The following ALCAM variants were observed in gnomAD, a reference collection of about 807,000 sequenced individuals.
ALCAM encodes activated leukocyte cell adhesion molecule, also known as CD166 antigen.
ALCAM carries 30 observed loss-of-function variants against 70.9 expected under a neutral mutation model. That is an observed-to-expected ratio of 0.42 (90% CI 0.32 to 0.57). ALCAM has a LOEUF of 0.57. ALCAM is among the 20% of genes least tolerant of loss of function. The pLI, the probability that ALCAM is intolerant of heterozygous loss-of-function variation, is 0.11. For synonymous variants in ALCAM, 249 were observed against 242.5 expected (o/e 1.03, Z -0.25); for missense variants, 591 against 695.1 (o/e 0.85, Z 1.68).
At chr3:105,550,381 C>A in intron 12 of ALCAM, 122 bp downstream of exon 12, 2 of 981,828 alleles carry the variant, frequency 2.0e-6, no homozygotes, top group Non-Finnish European at 2.9e-6. Context: ...ATTTATTTTG[C>A]ATTTGGTATC....
intron 1 of ALCAM, among the ~76,000 whole-genome samples, chr3:105,439,991 A>G (rs1937136217): frequency 6.6e-6 from 1 of 152,212 alleles, no homozygotes. Context: ...AAGGTTAGTA[A>G]ATGTTATAAA....
intron 1 of ALCAM, among the ~76,000 whole-genome samples, chr3:105,371,517 C>CT (rs35522913): frequency 0.55 from 78,135 of 142,408 alleles, 20,604 homozygotes; most frequent in East Asian, 0.81. Context: ...AAAGATGTTT[C>CT]TTTTTTTTTT....
intron 1 of ALCAM, among the ~76,000 whole-genome samples, chr3:105,398,857 A>G (rs1290009261): frequency 6.6e-6 from 1 of 151,926 alleles, no homozygotes; most frequent in Non-Finnish European, 1.5e-5. Context: ...GCCAAGAGCA[A>G]GAAAAAAAAA....
At chr3:105,417,102 T>C (rs1936524976) in intron 1 of ALCAM, among the ~76,000 whole-genome samples, 1 of 151,862 alleles carries the variant, frequency 6.6e-6, no homozygotes, top group Non-Finnish European at 1.5e-5. Context: ...TTTTCTGAAC[T>C]TTCCTTATTT....
At chr3:105,499,523 C>A (rs1376567311) in intron 1 of ALCAM, among the ~76,000 whole-genome samples, 1 of 152,118 alleles carries the variant, frequency 6.6e-6, no homozygotes, top group East Asian at 1.9e-4. Flanking sequence ...ACAGAAGAGT[C>A]CTTTAATCTT....
chr3:105,417,256 T>G (rs1490087816), intron 1 of ALCAM, among the ~76,000 whole-genome samples: 1 of 151,868 alleles, frequency 6.6e-6, no homozygotes. Flanking sequence ...TATCTTTCCA[T>G]TTCACCCCAC....
intron 15 of ALCAM, among the ~76,000 whole-genome samples, chr3:105,573,085 G>A (rs1940890648): frequency 6.6e-6 from 1 of 152,170 alleles, no homozygotes; most frequent in Non-Finnish European, 1.5e-5. Context: ...AGCACTTTGG[G>A]AGGCTGAGGC....
chr3:105,461,764 C>T (rs1937608145), intron 1 of ALCAM, among the ~76,000 whole-genome samples: 2 of 151,682 alleles, frequency 1.3e-5, no homozygotes, highest in Admixed American at 1.3e-4. Context: ...TCTACCACCT[C>T]CTATTTGATC....
chr3:105,490,179 C>A lies in ALCAM; in HGVS notation c.74-29888C>A, dbSNP rs542034913. On this transcript the variant is annotated intron_variant, in intron 1 of 15. Coordinates refer to ENST00000306107, the MANE Select transcript of ALCAM (RefSeq NM_001627.4). ...AGAGTTTCTAGGTTGCAAGTGTCTT[C>A]CTTATTGAGGCATTGCAGACAAGTT... Among the ~76,000 whole-genome samples, 38 of 152,314 alleles carry A rather than the reference C, an allele frequency of 2.5e-4. 1 individual carries two copies. The South Asian group carries it at 3.7e-3, about 15-fold the overall frequency.
intron 1 of ALCAM, among the ~76,000 whole-genome samples, chr3:105,467,714 A>C (rs1181472404): frequency 1.3e-5 from 2 of 151,138 alleles, no homozygotes; most frequent in Non-Finnish European, 3.0e-5. Flanking sequence ...GTTCTTACTG[A>C]CTTTAATTTC....
intron 1 of ALCAM, among the ~76,000 whole-genome samples, chr3:105,419,873 A>G (rs1485624944): frequency 6.6e-6 from 1 of 151,828 alleles, no homozygotes; most frequent in East Asian, 1.9e-4. Flanking sequence ...AAGAAGGTCA[A>G]ATAATAAACA....
chr3:105,370,655 T>A (rs1469642195), intron 1 of ALCAM, among the ~76,000 whole-genome samples: 1 of 152,070 alleles, frequency 6.6e-6, no homozygotes, highest in Non-Finnish European at 1.5e-5. Context: ...GACCCCAATT[T>A]CTAATTTCCT....
At chr3:105,374,933 G>C (rs997364968) in intron 1 of ALCAM, among the ~76,000 whole-genome samples, 1 of 152,190 alleles carries the variant, frequency 6.6e-6, no homozygotes, top group Non-Finnish European at 1.5e-5. Flanking sequence ...TGGTTTATGA[G>C]TTTGGTTAGT....
chr3:105,388,312 T>A (rs187907571), intron 1 of ALCAM, among the ~76,000 whole-genome samples: 1 of 151,712 alleles, frequency 6.6e-6, no homozygotes, highest in African/African-American at 2.4e-5. Flanking sequence ...ATGAGAACAC[T>A]GATCCATGAT....
chr3:105,524,641 C>G, intron 3 of ALCAM, 133 bp downstream of exon 3: 1 of 1,424,604 alleles, frequency 7.0e-7, no homozygotes. Context: ...TTAAAGAGAT[C>G]TTCATTCTGC....
At chr3:105,557,806 C>T (rs574553077) in intron 14 of ALCAM, among the ~76,000 whole-genome samples, 1 of 152,130 alleles carries the variant, frequency 6.6e-6, no homozygotes, top group Non-Finnish European at 1.5e-5. Flanking sequence ...TGAGGACACA[C>T]GCATTCCCTA....
intron 1 of ALCAM, among the ~76,000 whole-genome samples, chr3:105,511,619 G>T (rs1344906733): frequency 1.3e-5 from 2 of 152,002 alleles, no homozygotes; most frequent in Non-Finnish European, 2.9e-5. Context: ...CAGCCAGCAA[G>T]CTGCACCAAA....
intron 12 of ALCAM, 103 bp from the exon 13 acceptor site, chr3:105,552,019 TACTGTTAGCTATAGAATAGACA>T: frequency 5.2e-6 from 3 of 573,398 alleles, no homozygotes; most frequent in Non-Finnish European, 5.8e-6. Flanking sequence ...TTTTTTTTTT[TACTGTTAGCTATAGAATAGACA>T]TTTTATCTTT....
intron 1 of ALCAM, among the ~76,000 whole-genome samples, chr3:105,441,210 T>C (rs910126965): frequency 1.1e-4 from 17 of 152,280 alleles, no homozygotes; most frequent in African/African-American, 3.8e-4. Context: ...TAACTTTTCT[T>C]GTGGGTTTAC....
Sources: gnomAD v4.1 joint callset for allele counts (sites outside exome capture counted in the v4.1 genomes callset) on GRCh38, gnomAD v4.1.1 for gene constraint, MANE v1.5 for transcripts, NCBI Gene and HGNC (gene_info 2026-07-23, HGNC 2026-07-21) for gene names.